The following EML5 variants were observed in gnomAD, a reference collection of about 807,000 sequenced individuals.
The protein encoded by EML5 is echinoderm microtubule-associated protein-like 5.
A neutral mutation model predicts 250.0 loss-of-function variants in EML5; 120 were observed. The observed-to-expected ratio is 0.48, with a 90% confidence interval of 0.41 to 0.56. The LOEUF is 0.56. Ranked by LOEUF, EML5 falls within the 20% of genes least tolerant of loss-of-function variation. The pLI, the probability that EML5 is intolerant of heterozygous loss-of-function variation, is 0.00. For synonymous variants in EML5, 771 were observed against 806.5 expected (o/e 0.96, Z 0.75); for missense variants, 2,006 against 2,437.6 (o/e 0.82, Z 3.73).
chr14:88,658,086 A>G lies in EML5; in HGVS notation c.3877+101T>C, dbSNP rs936299639. ...ACAGACTAAAAACAGTACCACTACA[A>G]TTATTCAAACATTATTATTACTTGC... On this transcript the variant is annotated intron_variant, in intron 26 of 43. Coordinates refer to ENST00000554922, the MANE Select transcript of EML5 (RefSeq NM_183387.3). The G allele has an allele frequency of 4.1e-6, 5 of 1,211,416 alleles. No individual in the cohort carries two copies. In the African/African-American group the frequency reaches 4.5e-5, roughly 11 times the overall value. 75.0% of individuals were successfully genotyped at this position (1,211,416 alleles called of 1,614,324 possible).
Position 88,665,356 on chromosome 14 carries a change from T to C in EML5, c.3258A>G (p.Ser1086=), listed in dbSNP as rs1222147598. The C allele has an allele frequency of 2.5e-6, 4 of 1,612,742 alleles. No homozygotes were observed. The East Asian group carries it at 6.7e-5, about 27-fold the overall frequency. ...TCTTACCAGGTGAAAATCGAATATC[T>C]GAAATCATATCTTTTCTGTGATGAA... ...VSFHHRKDMI[S]DIRFSPGSGK... is the part of the protein sequence containing the mutation. Residue 1086 remains serine (S), a synonymous_variant, in exon 22 of 44, where the codon TCA becomes TCG. Coordinates refer to ENST00000554922, the MANE Select transcript of EML5 (RefSeq NM_183387.3).
Position 88,614,780 on chromosome 14 carries a change from C to CT in EML5, c.*1037dup, listed in dbSNP as rs2087326628. On this transcript the variant is annotated 3_prime_UTR_variant, in exon 44 of 44. Coordinates refer to ENST00000554922, the MANE Select transcript of EML5 (RefSeq NM_183387.3). The stretch of plus-strand genomic sequence containing the variant: ...AATCCACTAAAAAAAGGAATTCTAA[C>CT]TGACAAGTTTTTACAAATGGAGTTG... 6.6e-6 allele frequency: 1 copy of CT among 152,108 alleles called. No homozygotes were observed. Among genetic ancestry groups the CT allele is most frequent in the Admixed American group, 6.6e-5 (1 of 15,266 alleles). 9.4% of individuals were successfully genotyped at this position (152,108 alleles called of 1,614,324 possible).
chr14:88,745,143 T>C (rs2093984961), intron 3 of EML5, among the ~76,000 whole-genome samples: 1 of 133,540 alleles, frequency 7.5e-6, no homozygotes. Flanking sequence ...ATCCAACATT[T>C]TAATAATGGT....
intron 1 of EML5, among the ~76,000 whole-genome samples, chr14:88,783,861 T>A (rs1566800016): frequency 6.6e-6 from 1 of 152,196 alleles, no homozygotes; most frequent in Non-Finnish European, 1.5e-5. Context: ...AGAATGCACA[T>A]TTTTTTCCTC....
At chr14:88,784,117 A>G (rs982359404) in intron 1 of EML5, among the ~76,000 whole-genome samples, 11 of 152,224 alleles carry the variant, frequency 7.2e-5, no homozygotes, top group African/African-American at 2.4e-4. Flanking sequence ...AGTGGAAACA[A>G]CATAACAAAA....
intron 20 of EML5, among the ~76,000 whole-genome samples, chr14:88,683,829 C>G (rs988651236): frequency 6.6e-6 from 1 of 152,140 alleles, no homozygotes; most frequent in Non-Finnish European, 1.5e-5. Context: ...GGAGCATCTA[C>G]GAAAAACCCA....
intron 36 of EML5, chr14:88,623,080 A>T (rs1470776376): frequency 2.6e-5 from 4 of 151,678 alleles, no homozygotes; most frequent in Non-Finnish European, 5.7e-5. Flanking sequence ...CAGTGGCATG[A>T]TCTAGGCTTA....
At chr14:88,784,367 T>A (rs34731196) in intron 1 of EML5, among the ~76,000 whole-genome samples, 17,861 of 149,826 alleles carry the variant, frequency 0.12, 1,187 homozygotes, top group African/African-American at 0.16. Context: ...TGTTTTTTTT[T>A]AAAAAGTTAA....
chr14:88,716,285 A>G (rs2093492203), intron 8 of EML5, among the ~76,000 whole-genome samples: 1 of 152,220 alleles, frequency 6.6e-6, no homozygotes, highest in African/African-American at 2.4e-5. Flanking sequence ...AGATTGTATT[A>G]TTTGAAGCTT....
chr14:88,656,185 C>T (rs1207797437), intron 27 of EML5, among the ~76,000 whole-genome samples: 1 of 152,170 alleles, frequency 6.6e-6, no homozygotes, highest in African/African-American at 2.4e-5. Flanking sequence ...TATTACAGCA[C>T]TGTTCACAAT....
intron 40 of EML5, 22 bp downstream of exon 40, chr14:88,618,628 G>A: frequency 1.3e-6 from 2 of 1,595,662 alleles, no homozygotes; most frequent in Non-Finnish European, 1.7e-6. Flanking sequence ...TGCCACCTGG[G>A]TATACAGTAT....
chr14:88,651,398 A>G (rs1371027837), intron 27 of EML5, among the ~76,000 whole-genome samples: 2 of 152,156 alleles, frequency 1.3e-5, no homozygotes, highest in East Asian at 3.9e-4. Flanking sequence ...ATCATTCTTC[A>G]TGAGTAGTAA....
chr14:88,792,506 C>A lies in EML5; in HGVS notation c.-3G>T. 3 of 1,369,982 alleles carry A rather than the reference C, an allele frequency of 2.2e-6. No individual in the cohort carries two copies. Among genetic ancestry groups the A allele is most frequent in the African/African-American group, 1.5e-5 (1 of 67,520 alleles). 84.9% of individuals were successfully genotyped at this position (1,369,982 alleles called of 1,614,324 possible). ...CTCGGGGCGCTCCGGGCCGCCATGT[C>A]GGGGCGCCCACCCGCCGCTCCCGCT... On this transcript the variant is annotated 5_prime_UTR_variant, in exon 1 of 44. Coordinates refer to ENST00000554922, the MANE Select transcript of EML5 (RefSeq NM_183387.3). The surrounding 1 kb of genome is among the most constrained non-coding windows in gnomAD (Gnocchi z 6.9).
chr14:88,676,143 C>A (rs1038122008), intron 21 of EML5, among the ~76,000 whole-genome samples: 1 of 152,218 alleles, frequency 6.6e-6, no homozygotes, highest in Non-Finnish European at 1.5e-5. Flanking sequence ...GTTGCTTCCA[C>A]ATTTTCAGGT....
chr14:88,774,028 A>T (rs1469665834), intron 1 of EML5, among the ~76,000 whole-genome samples: 1 of 152,170 alleles, frequency 6.6e-6, no homozygotes, highest in Non-Finnish European at 1.5e-5. Flanking sequence ...CTGAGGCAAG[A>T]TAATCGCTCG....
At chr14:88,657,573 C>A in intron 26 of EML5, 71 bp from the exon 27 acceptor site, 2 of 1,366,118 alleles carry the variant, frequency 1.5e-6, no homozygotes, top group South Asian at 1.7e-5. Flanking sequence ...AAATTGGATA[C>A]AAAGATGTTC....
chr14:88,648,953 G>A (rs1407873799), intron 28 of EML5, among the ~76,000 whole-genome samples: 1 of 152,044 alleles, frequency 6.6e-6, no homozygotes, highest in Non-Finnish European at 1.5e-5. Context: ...CCTATTATTT[G>A]AGTTTCTGCA....
chr14:88,729,711 C>T (rs79476413), intron 7 of EML5, among the ~76,000 whole-genome samples: 18 of 152,124 alleles, frequency 1.2e-4, no homozygotes, highest in Middle Eastern at 3.4e-3. Flanking sequence ...AAGCATGTGC[C>T]ACCATTCCCC....
chr14:88,688,441 C>T lies in EML5; in HGVS notation c.2572G>A (p.Gly858Ser). ...GGLIGRKGYI[G>S]TLGKNDTMMC... Reference sequence around the variant, plus strand: ...ATTGTGTCATTTTTCCCCAGTGTGCCTATGTAGCCTTTTCTTCCAATCAAT... The same window carrying T: ...ATTGTGTCATTTTTCCCCAGTGTGCTTATGTAGCCTTTTCTTCCAATCAAT... Residue 858 changes from glycine to serine, a missense_variant, in exon 18 of 44, where the codon GGC becomes AGC. Gly to Ser is a moderately conservative substitution (Grantham distance 56). Around this residue, in one of 7 missense-constraint regions of EML5, gnomAD observed 1,375 missense variants for 1,590.3 expected, o/e 0.86. Transcript: ENST00000554922. The T allele has an allele frequency of 6.2e-7, 1 of 1,613,918 alleles. No homozygotes were observed.
Sources: allele counts gnomAD v4.1 joint callset (sites outside exome capture counted in the v4.1 genomes callset), GRCh38; gene constraint gnomAD v4.1.1; regional missense constraint gnomAD v4.1.1; non-coding constraint Gnocchi (gnomAD v3.1); transcripts MANE v1.5; gene names NCBI Gene and HGNC (gene_info 2026-07-23, HGNC 2026-07-21).